PCDH12: variants seen among roughly 807,000 people sequenced by gnomAD.
PCDH12 encodes protocadherin-12.
In PCDH12, 45 loss-of-function variants were observed where a neutral mutation model predicts 70.9. The observed-to-expected ratio is 0.63, with a 90% confidence interval of 0.50 to 0.81. The LOEUF is 0.81. Among genes scored for constraint, PCDH12 ranks in the 40% least tolerant of loss-of-function variants. The pLI, the probability that PCDH12 is intolerant of heterozygous loss-of-function variation, is 0.00. For synonymous variants in PCDH12, 567 were observed against 626.0 expected (o/e 0.91, Z 1.41); for missense variants, 1,370 against 1,491.7 (o/e 0.92, Z 1.34).
chr5:141,957,910 G>A lies in PCDH12; in HGVS notation c.-59C>T. On this transcript the variant is annotated 5_prime_UTR_variant, in exon 1 of 4. Transcript: ENST00000231484. The surrounding 1 kb of genome is among the most constrained non-coding windows in gnomAD (Gnocchi z 4.3). The stretch of plus-strand genomic sequence containing the variant: ...CTAGAGTTCTTTCAAGGCTGGACAA[G>A]TCCTCCAGTGTTTCCTGGATGGCTT... 7.1e-6 allele frequency: 11 copies of A among 1,544,134 alleles called. No individual in the cohort carries two copies. The South Asian group carries it at 1.2e-4, about 17-fold the overall frequency.
rs770057334 is a variant in PCDH12 at position 141,944,403 on chromosome 5, C to T, written c.*978G>A. ...GGGCCTGGATGGCTTTGGAAATGTT[C>T]CTTTCAACAGTGTTTCCCGAGGGAG... On this transcript the variant is annotated 3_prime_UTR_variant, in exon 4 of 4. Transcript: ENST00000231484. 6.6e-6 allele frequency: 1 copy of T among 152,266 alleles called. No individual in the cohort carries two copies. Among genetic ancestry groups the T allele is most frequent in the Non-Finnish European group, 1.5e-5 (1 of 68,092 alleles). The allele number at this position is 152,266 out of a possible 1,614,324, so 9.4% of individuals were successfully genotyped here.
At position 141,955,533 on chromosome 5, in the gene PCDH12, T is replaced by G; in HGVS notation, c.2319A>C (p.Ala773=). 1 of 1,614,194 alleles carries G rather than the reference T, an allele frequency of 6.2e-7. No individual in the cohort carries two copies. The highest frequency in any genetic ancestry group is 1.1e-5 in the South Asian group (1 of 91,090). Reference sequence around the variant, plus strand: ...TGAGCACAGGCACGAGGTGGATGTCTGCCTTCTGAATGTGTTTCTGGGGCC... The same window carrying G: ...TGAGCACAGGCACGAGGTGGATGTCGGCCTTCTGAATGTGTTTCTGGGGCC... The part of the protein sequence containing the change: ...PKRPQKHIQK[A]DIHLVPVLRG... The change falls in exon 1 of 4, where the codon GCA becomes GCC. Residue 773 remains alanine (A), a synonymous_variant. Coordinates refer to ENST00000231484, the MANE Select transcript of PCDH12 (RefSeq NM_016580.4). The surrounding 1 kb of genome is among the most constrained non-coding windows in gnomAD (Gnocchi z 5.5).
rs765770563 is a variant in PCDH12, at chr5:141,945,579, C to CATCTCCAGCAGT, written c.3345_3356dup (p.Glu1118_Met1119insIleLeuLeuGlu). On this transcript the variant is annotated inframe_insertion, in exon 4 of 4. Transcript: ENST00000231484. ...GCATGCTGGAGCGCTGTTCCAGCAG[C>CATCTCCAGCAGT]ATCTCCAGCAGTGAGCTCATCTCCG... The CATCTCCAGCAGT allele has an allele frequency of 1.2e-6, 2 of 1,614,124 alleles. No individual in the cohort carries two copies. Among genetic ancestry groups the CATCTCCAGCAGT allele is most frequent in the Non-Finnish European group, 8.5e-7 (1 of 1,180,034 alleles).
chr5:141,951,443 G>C lies in PCDH12; in HGVS notation c.2978+50C>G, dbSNP rs751205584. On this transcript the variant is annotated intron_variant, in intron 2 of 3. Coordinates refer to ENST00000231484, the MANE Select transcript of PCDH12 (RefSeq NM_016580.4). Reference sequence around the variant, plus strand: ...ACTCACAGAGGCTGCAGTGATGAGGGGCGGCCAGTAGGGGCCTTGAGATGC... The same window carrying C: ...ACTCACAGAGGCTGCAGTGATGAGGCGCGGCCAGTAGGGGCCTTGAGATGC... The C allele has an allele frequency of 3.4e-5, 46 of 1,370,684 alleles. No individual in the cohort carries two copies. The African/African-American group carries it at 5.4e-4, about 16-fold the overall frequency. The allele number at this position is 1,370,684 out of a possible 1,614,324, so 84.9% of individuals were successfully genotyped here. A position where few individuals can be genotyped will look rare whatever the true frequency, so the allele number is the denominator to read the frequency against.
Position 141,955,151 on chromosome 5 carries a change from G to C in PCDH12, c.2701C>G (p.Gln901Glu), listed in dbSNP as rs142096693. 1 of 1,614,200 alleles carries C rather than the reference G, an allele frequency of 6.2e-7. No individual in the cohort carries two copies. Among genetic ancestry groups the C allele is most frequent in the Admixed American group, 1.7e-5 (1 of 60,030 alleles). ...GTTGCAGAGGAGGCTGGTGGCCTCTGTGGGGCTTCCTCACTGCCCTGGTCT... is the reference window on the plus strand; with the variant it reads ...GTTGCAGAGGAGGCTGGTGGCCTCTCTGGGGCTTCCTCACTGCCCTGGTCT... ...AGDQGSEEAPQRPPASSATLR... is the reference protein window; with the variant it reads ...AGDQGSEEAPERPPASSATLR... The change falls in exon 1 of 4, where the codon CAG (glutamine) becomes GAG (glutamate). Residue 901 changes from glutamine (Q) to glutamate (E), a missense_variant. By Grantham distance (29) the Gln-to-Glu change is conservative. Transcript: ENST00000231484. The surrounding 1 kb of genome is among the most constrained non-coding windows in gnomAD (Gnocchi z 5.5).
chr5:141,958,118 A>C lies in PCDH12; in HGVS notation c.-267T>G, dbSNP rs1753218353. On this transcript the variant is annotated 5_prime_UTR_variant, in exon 1 of 4. Transcript: ENST00000231484. ...ACTGGGGAACTAGTTGGTCCACTTC[A>C]GCAAATGATGGACAAGAGCTGGTCT... 1 of 481,238 alleles carries C rather than the reference A, an allele frequency of 2.1e-6. No homozygotes were observed. The highest frequency in any genetic ancestry group is 1.9e-5 in the African/African-American group (1 of 51,878). 29.8% of individuals were successfully genotyped at this position (481,238 alleles called of 1,614,324 possible). A position where few individuals can be genotyped will look rare whatever the true frequency, so the allele number is the denominator to read the frequency against.
In PCDH12 at chr5:141,955,034, C is replaced by T; in HGVS notation, c.2818G>A (p.Val940Met). Residue 940 changes from valine (V) to methionine (M), a missense_variant, in exon 1 of 4, where the codon GTG (valine) becomes ATG (methionine). Transcript: ENST00000231484. This position sits in a 1 kb window ranked among gnomAD's most constrained non-coding sequence, Gnocchi z 5.5. ...QILRSLVRLS[V>M]AAFAERNPVE... ...GGGTTCCGCTCGGCGAAGGCAGCCACAGACAGCCGGACCAGGCTCCGCAGG... is the reference window on the plus strand; with the variant it reads ...GGGTTCCGCTCGGCGAAGGCAGCCATAGACAGCCGGACCAGGCTCCGCAGG... 6.2e-7 allele frequency: 1 copy of T among 1,614,224 alleles called. No individual in the cohort carries two copies. The highest frequency in any genetic ancestry group is 8.5e-7 in the Non-Finnish European group (1 of 1,180,034).
chr5:141,951,440 AGGGGC>A lies in PCDH12; in HGVS notation c.2978+48_2978+52del. The A allele has an allele frequency of 2.3e-6, 3 of 1,333,040 alleles. No individual in the cohort carries two copies. The South Asian group carries it at 3.5e-5, about 16-fold the overall frequency. The allele number at this position is 1,333,040 out of a possible 1,614,324, so 82.6% of individuals were successfully genotyped here. On this transcript the variant is annotated intron_variant, in intron 2 of 3. Coordinates refer to ENST00000231484, the MANE Select transcript of PCDH12 (RefSeq NM_016580.4). ...CTCACTCACAGAGGCTGCAGTGATG[AGGGGC>A]GGCCAGTAGGGGCCTTGAGATGCCT...
intron 2 of PCDH12, among the ~76,000 whole-genome samples, chr5:141,951,213 A>G (rs1466311776): frequency 1.3e-5 from 2 of 152,230 alleles, no homozygotes; most frequent in African/African-American, 4.8e-5. Flanking sequence ...GGACAAATAC[A>G]GTCTCAGGGA....
chr5:141,951,117 G>A (rs922978070), intron 2 of PCDH12, among the ~76,000 whole-genome samples: 2 of 152,106 alleles, frequency 1.3e-5, no homozygotes, highest in South Asian at 4.1e-4. Flanking sequence ...TCTTTAGTGG[G>A]GAGCCTTCAT....
In PCDH12 at chr5:141,951,594, C is replaced by T. The variant is rs368969234; in HGVS notation, c.2881-4G>A. ...AGGACAGCAGCTGGGAGATTTGCTA[C>T]AAGACAGGAAAAATCTGTTGACTCC... On this transcript the variant is annotated splice_polypyrimidine_tract_variant and splice_region_variant and intron_variant, in intron 1 of 3. Transcript: ENST00000231484. 1.2e-6 allele frequency: 2 copies of T among 1,612,098 alleles called. No homozygotes were observed. The highest frequency in any genetic ancestry group is 2.7e-5 in the African/African-American group (2 of 74,904).
rs1753029034 is a variant in PCDH12 at position 141,949,487 on chromosome 5, G to A, written c.3075C>T (p.Leu1025=). ...CTTCTTCTAGCAGTTGCTTCACAGAGAGGTCCTCTTCAGGATCCAAAGGCC... is the reference window on the plus strand; with the variant it reads ...CTTCTTCTAGCAGTTGCTTCACAGAAAGGTCCTCTTCAGGATCCAAAGGCC... ...EEGPLDPEED[L]SVKQLLEEEL... is the part of the protein sequence containing the mutation. Residue 1025 remains leucine (L), a synonymous_variant, in exon 3 of 4, where the codon CTC becomes CTT. Coordinates refer to ENST00000231484, the MANE Select transcript of PCDH12 (RefSeq NM_016580.4). 6.2e-7 allele frequency: 1 copy of A among 1,614,010 alleles called. No homozygotes were observed. Among genetic ancestry groups the A allele is most frequent in the African/African-American group, 1.3e-5 (1 of 74,910 alleles).
At chr5:141,949,206 G>T in intron 3 of PCDH12, 1 of 488,116 alleles carries the variant, frequency 2.0e-6, no homozygotes, top group Non-Finnish European at 2.7e-6. Flanking sequence ...CTGTACTCCA[G>T]CCTGGGTGAC....
intron 2 of PCDH12, among the ~76,000 whole-genome samples, chr5:141,950,703 G>A (rs1237616376): frequency 6.6e-6 from 1 of 152,180 alleles, no homozygotes; most frequent in Non-Finnish European, 1.5e-5. Context: ...GCTGTAAGTT[G>A]TCAGGGCAAG....
In PCDH12 at chr5:141,957,047, T is replaced by C; in HGVS notation, c.805A>G (p.Thr269Ala). Residue 269 changes from threonine (T) to alanine (A), a missense_variant, in exon 1 of 4, where the codon ACA becomes GCA. Physicochemically the swap from Thr to Ala is moderately conservative, Grantham distance 58 (BLOSUM62 0). Coordinates refer to ENST00000231484, the MANE Select transcript of PCDH12 (RefSeq NM_016580.4). This position sits in a 1 kb window ranked among gnomAD's most constrained non-coding sequence, Gnocchi z 4.3. ...PGTLLIKLTA[T>A]DPDQGPNGEV... is the part of the protein sequence containing the mutation. Reference sequence around the variant, plus strand: ...CCATTGGGGCCTTGGTCAGGGTCTGTGGCGGTCAGTTTTATGAGAAGCGTA... The same window carrying C: ...CCATTGGGGCCTTGGTCAGGGTCTGCGGCGGTCAGTTTTATGAGAAGCGTA... The C allele has an allele frequency of 6.2e-7, 1 of 1,614,222 alleles. No individual in the cohort carries two copies.
chr5:141,949,646 C>T lies in PCDH12; in HGVS notation c.2979-63G>A, dbSNP rs1753035528. On this transcript the variant is annotated intron_variant, in intron 2 of 3. Coordinates refer to ENST00000231484, the MANE Select transcript of PCDH12 (RefSeq NM_016580.4). ...TCCCATATAGATTCATTCATTCATG[C>T]CCATTCATGTTTGCATTCATTTACC... 9 of 1,553,712 alleles carry T rather than the reference C, an allele frequency of 5.8e-6. 1 individual carries two copies. The Admixed American group carries it at 1.7e-4, about 30-fold the overall frequency.
Position 141,957,059 on chromosome 5 carries a change from T to G in PCDH12, c.793A>C (p.Lys265Gln). The change falls in exon 1 of 4, where the codon AAA becomes CAA. Residue 265 changes from lysine to glutamine, a missense_variant. By Grantham distance (53) the Lys-to-Gln change is moderately conservative. Coordinates refer to ENST00000231484, the MANE Select transcript of PCDH12 (RefSeq NM_016580.4). This position sits in a 1 kb window ranked among gnomAD's most constrained non-coding sequence, Gnocchi z 4.3. ...TGGTCAGGGTCTGTGGCGGTCAGTT[T>G]TATGAGAAGCGTACCAGGTGCAGCA... ...EDAAPGTLLI[K>Q]LTATDPDQGP... 1 of 1,614,172 alleles carries G rather than the reference T, an allele frequency of 6.2e-7. No homozygotes were observed.
In PCDH12 at chr5:141,957,887, A is replaced by G. The variant is rs745664442; in HGVS notation, c.-36T>C. On this transcript the variant is annotated 5_prime_UTR_variant, in exon 1 of 4. An upstream open reading frame in the 5' UTR loses its in-frame stop. Coordinates refer to ENST00000231484, the MANE Select transcript of PCDH12 (RefSeq NM_016580.4). The surrounding 1 kb of genome is among the most constrained non-coding windows in gnomAD (Gnocchi z 4.3). ...AAGTGGGCTAGATTCAGAAACCACT[A>G]GAGTTCTTTCAAGGCTGGACAAGTC... 7.6e-6 allele frequency: 12 copies of G among 1,572,330 alleles called. No homozygotes were observed. The highest frequency in any genetic ancestry group is 1.2e-5 in the South Asian group (1 of 86,488).
At chr5:141,953,479 A>G (rs550299764) in intron 1 of PCDH12, 1 of 152,364 alleles carries the variant, frequency 6.6e-6, no homozygotes, top group South Asian at 2.1e-4. Context: ...CACAGGGGCT[A>G]CACAGAAATT....
Sources: gnomAD v4.1 joint callset for allele counts (sites outside exome capture counted in the v4.1 genomes callset) on GRCh38, gnomAD v4.1.1 for gene constraint, Gnocchi (gnomAD v3.1) non-coding constraint, MANE v1.5 for transcripts, NCBI Gene and HGNC (gene_info 2026-07-23, HGNC 2026-07-21) for gene names.